DNAH6: variants seen among roughly 807,000 people sequenced by gnomAD.
DNAH6 encodes dynein axonemal heavy chain 6.
Under a neutral mutation model 491.4 loss-of-function variants are expected in DNAH6, and 340 were observed. The observed-to-expected ratio is 0.69, with a 90% CI of 0.63 to 0.76. The LOEUF is 0.76. Among genes scored for constraint, DNAH6 ranks in the 30% least tolerant of loss-of-function variants. DNAH6 has a pLI of 0.00. For missense variants in DNAH6, 4,443 were observed against 4,972.2 expected, an observed-to-expected ratio of 0.89 and a Z score of 3.20; for synonymous variants, 1,603 against 1,686.1, an observed-to-expected ratio of 0.95 and a Z score of 1.21.
At chr2:84,779,163 TAA>T (rs1676434307) in intron 64 of DNAH6, among the ~76,000 whole-genome samples, 1 of 152,156 alleles carries the variant, frequency 6.6e-6, no homozygotes, top group Non-Finnish European at 1.5e-5. Context: ...TCCAATTGAT[TAA>T]GTGTCTGATT....
intron 2 of DNAH6, among the ~76,000 whole-genome samples, chr2:84,524,392 T>G (rs1370083077): frequency 3.3e-5 from 5 of 152,058 alleles, no homozygotes; most frequent in African/African-American, 1.2e-4. Context: ...GGGTCTTGTT[T>G]TTTTAATCCA....
chr2:84,652,396 C>T (rs534665825), intron 33 of DNAH6, among the ~76,000 whole-genome samples: 231 of 152,024 alleles, frequency 1.5e-3, no homozygotes, highest in Non-Finnish European at 2.6e-3. Flanking sequence ...AATTATTATT[C>T]TTGGAGCATG....
At chr2:84,639,500 C>T (rs1359784914) in intron 31 of DNAH6, among the ~76,000 whole-genome samples, 1 of 149,192 alleles carries the variant, frequency 6.7e-6, no homozygotes, top group Non-Finnish European at 1.5e-5. Flanking sequence ...CTCACTGCAA[C>T]CTCCATCTCC....
At chr2:84,628,082 G>C (rs571587235) in intron 29 of DNAH6, among the ~76,000 whole-genome samples, 1 of 152,094 alleles carries the variant, frequency 6.6e-6, no homozygotes, top group South Asian at 2.1e-4. Context: ...ACTTTTGAAA[G>C]TAGGATTCTA....
chr2:84,547,977 T>G (rs368039337), intron 7 of DNAH6, among the ~76,000 whole-genome samples: 22 of 152,328 alleles, frequency 1.4e-4, no homozygotes, highest in African/African-American at 5.3e-4. Context: ...TCAGTTAGCA[T>G]GTACTATAAA....
At chr2:84,701,020 A>G (rs1695851455) in intron 48 of DNAH6, 77 bp from the exon 49 acceptor site, 1 of 1,483,670 alleles carries the variant, frequency 6.7e-7, no homozygotes, top group African/African-American at 1.4e-5. Flanking sequence ...TTCCCGAGAA[A>G]TATGTTTTTC....
chr2:84,505,324 C>T, the DNAH6 span, among the ~76,000 whole-genome samples: 1 of 151,998 alleles, frequency 6.6e-6, no homozygotes, highest in African/African-American at 2.4e-5. Context: ...CCTTTCCAAC[C>T]TGGATACATT....
intron 63 of DNAH6, among the ~76,000 whole-genome samples, chr2:84,760,653 T>G (rs1674486241): frequency 6.6e-6 from 1 of 152,038 alleles, no homozygotes; most frequent in African/African-American, 2.4e-5. Flanking sequence ...AGTAAAAAAA[T>G]AACAAATGTG....
intron 44 of DNAH6, among the ~76,000 whole-genome samples, chr2:84,687,751 T>G: frequency 6.6e-6 from 1 of 151,604 alleles, no homozygotes. Flanking sequence ...ATATCATCAA[T>G]AGATTAAAAC....
the DNAH6 span, among the ~76,000 whole-genome samples, chr2:84,475,116 C>G: frequency 6.6e-6 from 1 of 152,184 alleles, no homozygotes; most frequent in Admixed American, 6.5e-5. Flanking sequence ...ACAGTAACCC[C>G]TTTTAAATTT....
chr2:84,672,750 T>C (rs1692855796), intron 40 of DNAH6, among the ~76,000 whole-genome samples: 1 of 152,314 alleles, frequency 6.6e-6, no homozygotes, highest in Non-Finnish European at 1.5e-5. Flanking sequence ...TAAGGACACC[T>C]GTCATACTGG....
chr2:84,647,419 G>C (rs896455149), intron 33 of DNAH6, among the ~76,000 whole-genome samples: 5 of 152,098 alleles, frequency 3.3e-5, no homozygotes, highest in Admixed American at 6.6e-5. Flanking sequence ...TGCCATATAG[G>C]ACTTTCATAG....
At chr2:84,720,415 A>C (rs1698010458) in intron 59 of DNAH6, among the ~76,000 whole-genome samples, 1 of 149,014 alleles carries the variant, frequency 6.7e-6, no homozygotes, top group South Asian at 2.1e-4. Context: ...AGTAGCTGGG[A>C]CTACAGGCGC....
In DNAH6 at chr2:84,516,535, C is replaced by T. The variant is rs927892105; in HGVS notation, c.-57C>T. The T allele has an allele frequency of 1.3e-5, 2 of 152,228 alleles. No homozygotes were observed. The highest frequency in any genetic ancestry group is 6.5e-5 in the Admixed American group (1 of 15,288). The allele number at this position is 152,228 out of a possible 1,614,324, so 9.4% of individuals were successfully genotyped here. Reference sequence around the variant, plus strand: ...CGAGTACTTTCTACTCCCGACCAGGCATTGCTCTCTCTGGAGACCCTCGGC... The same window carrying T: ...CGAGTACTTTCTACTCCCGACCAGGTATTGCTCTCTCTGGAGACCCTCGGC... On this transcript the variant is annotated 5_prime_UTR_variant, in exon 1 of 77. Transcript: ENST00000389394.
intron 61 of DNAH6, among the ~76,000 whole-genome samples, chr2:84,732,393 A>G (rs1699197537): frequency 6.6e-6 from 1 of 152,258 alleles, no homozygotes; most frequent in South Asian, 2.1e-4. Flanking sequence ...CCAAAAGTCC[A>G]TCAACTGATA....
At chr2:84,552,806 T>C (rs1679530156) in intron 9 of DNAH6, 112 bp from the exon 10 acceptor site, 2 of 521,870 alleles carry the variant, frequency 3.8e-6, no homozygotes, top group Non-Finnish European at 6.7e-6. Flanking sequence ...CATGCCAAGA[T>C]AATGAATTCA....
chr2:84,612,623 A>G lies in DNAH6; in HGVS notation c.3475+769A>G, dbSNP rs1308613241. On this transcript the variant is annotated intron_variant, in intron 22 of 76. Coordinates refer to ENST00000389394, the MANE Select transcript of DNAH6 (RefSeq NM_001370.2). The stretch of plus-strand genomic sequence containing the variant: ...TTTGGGTCTTTTCGAGGCAGCCCAC[A>G]TTCCTTGGCTCATGGCCTTCTTCCA... 1.3e-5 allele frequency among the ~76,000 whole-genome samples: 2 copies of G among 152,144 alleles called. 1 individual carries two copies. The highest frequency in any genetic ancestry group is 4.1e-4 in the South Asian group (2 of 4,830).
intron 11 of DNAH6, among the ~76,000 whole-genome samples, chr2:84,560,444 T>C (rs1573020168): frequency 2.1e-4 from 2 of 9,642 alleles, no homozygotes. Context: ...AATAGTTTTC[T>C]TTTTTTTTTC....
Position 84,573,535 on chromosome 2 carries a change from C to G in DNAH6, c.1872C>G (p.Phe624Leu), listed in dbSNP as rs760651164. The change falls in exon 12 of 77, where the codon TTC (phenylalanine) becomes TTG (leucine). Residue 624 changes from phenylalanine (F) to leucine (L), a missense_variant. Phe to Leu is a conservative substitution (Grantham distance 22, BLOSUM62 0). Around this residue, in one of 3 missense-constraint regions of DNAH6, gnomAD observed 2,977 missense variants for 3,296.6 expected, o/e 0.90. Transcript: ENST00000389394. The part of the protein sequence containing the change: ...YAATFEKFQI[F>L]FKENESLDLQ... ...CTACCTTTGAAAAGTTCCAGATATT[C>G]TTCAAGGAAAATGAAAGTCTTGATT... The G allele has an allele frequency of 6.3e-7, 1 of 1,591,956 alleles. No homozygotes were observed. The highest frequency in any genetic ancestry group is 8.5e-7 in the Non-Finnish European group (1 of 1,173,660).
Sources: allele counts gnomAD v4.1 joint callset (sites outside exome capture counted in the v4.1 genomes callset), GRCh38; gene constraint gnomAD v4.1.1; regional missense constraint gnomAD v4.1.1; transcripts MANE v1.5; gene names NCBI Gene and HGNC (gene_info 2026-07-23, HGNC 2026-07-21).